The following UBR7 variants were observed in gnomAD, a reference collection of about 807,000 sequenced individuals.
The protein encoded by UBR7 is putative E3 ubiquitin-protein ligase UBR7.
In UBR7, 22 loss-of-function variants were observed where a neutral mutation model predicts 57.0. That is an observed-to-expected ratio of 0.39 (90% CI 0.28 to 0.55). UBR7 has a LOEUF of 0.55. Ranked by LOEUF, UBR7 falls within the 20% of genes least tolerant of loss-of-function variation. The pLI is 0.69. For synonymous variants in UBR7, 167 were observed against 179.8 expected (o/e 0.93, Z 0.57); for missense variants, 395 against 513.2 (o/e 0.77, Z 2.23).
Position 93,219,375 on chromosome 14 carries a change from T to A in UBR7, c.960+14T>A, listed in dbSNP as rs745446674. ...CAAGACTGTATGGTAAAGTATCTGATTGTGCTCAGTGTTAGCATGTTTTGT... is the reference window on the plus strand; with the variant it reads ...CAAGACTGTATGGTAAAGTATCTGAATGTGCTCAGTGTTAGCATGTTTTGT... On this transcript the variant is annotated intron_variant, in intron 8 of 10. Coordinates refer to ENST00000013070, the MANE Select transcript of UBR7 (RefSeq NM_175748.4). 7 of 1,614,038 alleles carry A rather than the reference T, an allele frequency of 4.3e-6. No individual in the cohort carries two copies. The Admixed American group carries it at 5.0e-5, about 12-fold the overall frequency.
In UBR7 at chr14:93,228,150, T is replaced by C; in HGVS notation, c.*1115T>C. On this transcript the variant is annotated 3_prime_UTR_variant, in exon 11 of 11. Coordinates refer to ENST00000013070, the MANE Select transcript of UBR7 (RefSeq NM_175748.4). ...CGAATGATGAGTTTTGTGTATATAA[T>C]GTTAATGTCCACCGCCACTTCCCTA... 1.6e-6 allele frequency: 1 copy of C among 618,712 alleles called. No homozygotes were observed. Among genetic ancestry groups the C allele is most frequent in the Non-Finnish European group, 3.0e-6 (1 of 333,634 alleles). 38.3% of individuals were successfully genotyped at this position (618,712 alleles called of 1,614,324 possible). A position where few individuals can be genotyped will look rare whatever the true frequency, so the allele number is the denominator to read the frequency against.
intron 10 of UBR7, among the ~76,000 whole-genome samples, chr14:93,223,394 CAAA>C (rs34453404): frequency 6.4e-5 from 6 of 94,350 alleles, no homozygotes; most frequent in African/African-American, 1.7e-4. Flanking sequence ...GACTCCATCT[CAAA>C]AAAAAAAAAA....
chr14:93,213,780 A>T (rs1188398885), intron 4 of UBR7, among the ~76,000 whole-genome samples: 1 of 152,142 alleles, frequency 6.6e-6, no homozygotes, highest in Non-Finnish European at 1.5e-5. Flanking sequence ...GATTTGAAAG[A>T]GTACTTTTTG....
At position 93,226,998 on chromosome 14, in the gene UBR7, G is replaced by A. The variant is rs769893433; in HGVS notation, c.1241G>A (p.Arg414Lys). The change falls in exon 11 of 11, where the codon AGA becomes AAA. Residue 414 changes from arginine (R) to lysine (K), a missense_variant. Arg to Lys is a conservative substitution (Grantham distance 26, BLOSUM62 2). Coordinates refer to ENST00000013070, the MANE Select transcript of UBR7 (RefSeq NM_175748.4). ...TTTGAAGAGTTTCAGTCAAAAAAGA[G>A]AAGAAGAGTGGATGGGATGCAGTAT... ...QFFEEFQSKK[R>K]RRVDGMQYYC... 6.2e-7 allele frequency: 1 copy of A among 1,612,914 alleles called. No homozygotes were observed. The highest frequency in any genetic ancestry group is 8.5e-7 in the Non-Finnish European group (1 of 1,179,318).
intron 6 of UBR7, 116 bp downstream of exon 6, chr14:93,215,397 A>T (rs576434178): frequency 2.1e-6 from 2 of 955,824 alleles, no homozygotes; most frequent in Non-Finnish European, 3.3e-6. Context: ...AAAATAGTAT[A>T]TGTTCTGGCC....
chr14:93,226,686 G>A (rs528102819), intron 10 of UBR7, among the ~76,000 whole-genome samples: 4 of 151,780 alleles, frequency 2.6e-5, no homozygotes, highest in South Asian at 4.2e-4. Flanking sequence ...CCAGCTACTC[G>A]GGAGGCTGAG....
At chr14:93,211,588 G>A (rs1006645750) in intron 3 of UBR7, among the ~76,000 whole-genome samples, 1 of 151,356 alleles carries the variant, frequency 6.6e-6, no homozygotes, top group Non-Finnish European at 1.5e-5. Flanking sequence ...AAGGCTGGGC[G>A]TGGTGGCTCA....
At chr14:93,210,326 G>A (rs570426498) in intron 2 of UBR7, among the ~76,000 whole-genome samples, 4 of 151,998 alleles carry the variant, frequency 2.6e-5, no homozygotes, top group African/African-American at 7.2e-5. Context: ...CTCGTGATCC[G>A]CCCGCCTCAG....
intron 6 of UBR7, among the ~76,000 whole-genome samples, chr14:93,215,866 G>A (rs150366321): frequency 1.3e-5 from 2 of 152,256 alleles, no homozygotes; most frequent in South Asian, 2.1e-4. Context: ...AAGATAAATA[G>A]AACTGAAATA....
At chr14:93,226,541 A>C (rs995088470) in intron 10 of UBR7, among the ~76,000 whole-genome samples, 1 of 152,228 alleles carries the variant, frequency 6.6e-6, no homozygotes, top group African/African-American at 2.4e-5. Flanking sequence ...CTGTAATCCC[A>C]GCACTTTGGG....
rs192321180 is a variant in UBR7 at position 93,227,657 on chromosome 14, G to A, written c.*622G>A. ...TCTGGTCTGGATGTCTGTCACAGGCGGAGAGATTAACAGATGACAGGGTTG... is the reference window on the plus strand; with the variant it reads ...TCTGGTCTGGATGTCTGTCACAGGCAGAGAGATTAACAGATGACAGGGTTG... On this transcript the variant is annotated 3_prime_UTR_variant, in exon 11 of 11. Coordinates refer to ENST00000013070, the MANE Select transcript of UBR7 (RefSeq NM_175748.4). The A allele has an allele frequency of 9.4e-5, 66 of 700,802 alleles. No homozygotes were observed. Among genetic ancestry groups the A allele is most frequent in the African/African-American group, 5.1e-4 (29 of 57,286 alleles). 43.4% of individuals were successfully genotyped at this position (700,802 alleles called of 1,614,324 possible).
At chr14:93,216,619 CTTT>C (rs113180560) in intron 6 of UBR7, among the ~76,000 whole-genome samples, 5 of 140,736 alleles carry the variant, frequency 3.6e-5, no homozygotes, top group Admixed American at 7.1e-5. Flanking sequence ...GTTTTTCTGC[CTTT>C]TTTTTTTTTT....
chr14:93,217,676 T>C (rs534767168), intron 6 of UBR7, among the ~76,000 whole-genome samples: 1 of 152,352 alleles, frequency 6.6e-6, no homozygotes, highest in South Asian at 2.1e-4. Flanking sequence ...AACTGTTTAA[T>C]TATTTGAATT....
At chr14:93,218,845 A>G in intron 7 of UBR7, 110 bp downstream of exon 7, 1 of 1,184,574 alleles carries the variant, frequency 8.4e-7, no homozygotes, top group Non-Finnish European at 1.2e-6. Flanking sequence ...ACCTGAGGTC[A>G]CGGGTTTGAG....
At chr14:93,207,541 A>G in intron 1 of UBR7, 100 bp downstream of exon 1, 1 of 1,420,232 alleles carries the variant, frequency 7.0e-7, no homozygotes, top group East Asian at 2.6e-5. Context: ...TCGTCTCCCC[A>G]GTGGTGGTCC....
intron 9 of UBR7, 96 bp from the exon 10 acceptor site, chr14:93,222,217 A>G (rs1033548933): frequency 1.2e-6 from 1 of 851,056 alleles, no homozygotes; most frequent in East Asian, 2.6e-5. Flanking sequence ...TTTAGACTAC[A>G]TTATTAACAG....
At chr14:93,224,110 G>T in intron 10 of UBR7, 1 of 842,408 alleles carries the variant, frequency 1.2e-6, no homozygotes, top group Non-Finnish European at 2.0e-6. Flanking sequence ...CCACCACCTT[G>T]TACTCTCATA....
chr14:93,212,084 T>C lies in UBR7; in HGVS notation c.398T>C (p.Leu133Ser). 6.2e-7 allele frequency: 1 copy of C among 1,613,376 alleles called. No homozygotes were observed. Among genetic ancestry groups the C allele is most frequent in the Non-Finnish European group, 8.5e-7 (1 of 1,179,612 alleles). The change falls in exon 4 of 11, where the codon TTG (leucine) becomes TCG (serine). Residue 133 changes from leucine to serine, a missense_variant. Transcript: ENST00000013070. Reference protein sequence around the residue: ...GNKYNDNFFGLYCICKRPYPD... With the variant: ...GNKYNDNFFGSYCICKRPYPD... ...AAGTACAATGACAACTTTTTTGGAT[T>C]GTACTGCATTTGCAAGAGACCTTAT...
Position 93,223,844 on chromosome 14 carries a change from C to G in UBR7, c.1185+1470C>G, listed in dbSNP as rs61732168. On this transcript the variant is annotated intron_variant, in intron 10 of 10. Coordinates refer to ENST00000013070, the MANE Select transcript of UBR7 (RefSeq NM_175748.4). ...AACAGCGCCCGCGGTGGTCAGGTCC[C>G]GGTATTCCCGGTACATGTTGGGGGC... 2.4e-3 allele frequency: 1,792 copies of G among 749,034 alleles called. 36 individuals carry two copies. The African/African-American group carries it at 0.027, about 11-fold the overall frequency. The allele number at this position is 749,034 out of a possible 1,614,324, so 46.4% of individuals were successfully genotyped here.
Sources: gnomAD v4.1 joint callset for allele counts (sites outside exome capture counted in the v4.1 genomes callset) on GRCh38, gnomAD v4.1.1 for gene constraint, MANE v1.5 for transcripts, NCBI Gene and HGNC (gene_info 2026-07-23, HGNC 2026-07-21) for gene names.